The following PIEZO1 variants were observed in gnomAD, a reference collection of about 807,000 sequenced individuals.
PIEZO1 encodes the protein piezo-type mechanosensitive ion channel component 1.
In PIEZO1, 296 loss-of-function variants were observed where a neutral mutation model predicts 297.2. The ratio of observed to expected loss-of-function variants is 1.00; its 90% CI spans 0.91 to 1.10. PIEZO1 has a LOEUF of 1.10. Ranked by LOEUF, PIEZO1 falls within the 50% of genes least tolerant of loss-of-function variation. PIEZO1 has a pLI of 0.00. For synonymous variants in PIEZO1, 2,427 were observed against 1,507.5 expected (o/e 1.61, Z -14.13); for missense variants, 5,018 against 3,455.5 (o/e 1.45, Z -11.34).
In PIEZO1 at chr16:88,722,015, C is replaced by G. The variant is rs1597445467; in HGVS notation, c.5007G>C (p.Gln1669His). 3.2e-6 allele frequency: 5 copies of G among 1,548,560 alleles called. No homozygotes were observed. The highest frequency in any genetic ancestry group is 1.4e-5 in the African/African-American group (1 of 73,010). Residue 1669 changes from glutamine to histidine, a missense_variant, in exon 37 of 51, where the codon CAG becomes CAC. Gln to His is a conservative substitution (Grantham distance 24, BLOSUM62 0). Coordinates refer to ENST00000301015, the MANE Select transcript of PIEZO1 (RefSeq NM_001142864.4). Reference protein sequence around the residue: ...LEEAELFAEGQGRALRLLRAV... With the variant: ...LEEAELFAEGHGRALRLLRAV... ...CCCGCAGCAGCCGCAGCGCCCGGCCCTGCCCCTCCGCAAACAGCTCTGCCT... is the reference window on the plus strand; with the variant it reads ...CCCGCAGCAGCCGCAGCGCCCGGCCGTGCCCCTCCGCAAACAGCTCTGCCT...
In PIEZO1 at chr16:88,735,208, C is replaced by G. The variant is rs568223756; in HGVS notation, c.1596G>C (p.Gln532His). ...ACTTCAGCAGCTTCTCTTTCACAAA[C>G]TGGCGCAGCAGGAGCCAGAAGGTCA... is the stretch of plus-strand genomic sequence containing the variant. The part of the protein sequence containing the change: ...YTLTFWLLLR[Q>H]FVKEKLLKWA... Residue 532 changes from glutamine to histidine, a missense_variant, in exon 13 of 51, where the codon CAG (glutamine) becomes CAC (histidine). Coordinates refer to ENST00000301015, the MANE Select transcript of PIEZO1 (RefSeq NM_001142864.4). 1 of 1,550,466 alleles carries G rather than the reference C, an allele frequency of 6.4e-7. No individual in the cohort carries two copies.
chr16:88,736,589 C>T (rs1299933524), intron 11 of PIEZO1, 50 bp downstream of exon 11: 2 of 1,472,548 alleles, frequency 1.4e-6, no homozygotes, highest in East Asian at 2.5e-5. Context: ...CGATGCCCCA[C>T]ACCTGCGCGG....
Position 88,725,454 on chromosome 16 carries a change from T to G in PIEZO1, c.4124A>C (p.Gln1375Pro). Residue 1375 changes from glutamine to proline, a missense_variant, in exon 29 of 51, where the codon CAG (glutamine) becomes CCG (proline). By Grantham distance (76) the Gln-to-Pro change is moderately conservative (BLOSUM62 -1). Coordinates refer to ENST00000301015, the MANE Select transcript of PIEZO1 (RefSeq NM_001142864.4). ...GGGGTCCTTGGGGCCCAGGGTGTCC[T>G]GGGGGCGACTGCGGTCCACCCGGCC... ...RQGRVDRSRP[Q>P]DTLGPKDPGL... is the part of the protein sequence containing the mutation. 1 of 1,497,984 alleles carries G rather than the reference T, an allele frequency of 6.7e-7. No homozygotes were observed. The highest frequency in any genetic ancestry group is 8.9e-7 in the Non-Finnish European group (1 of 1,120,268). 92.8% of individuals were successfully genotyped at this position (1,497,984 alleles called of 1,614,324 possible).
intron 1 of PIEZO1, among the ~76,000 whole-genome samples, chr16:88,783,603 G>C (rs1288147883): frequency 6.6e-6 from 1 of 152,140 alleles, no homozygotes; most frequent in African/African-American, 2.4e-5. Flanking sequence ...TGTTTTCAAG[G>C]CACAGGAAGG....
In PIEZO1 at chr16:88,716,898, G is replaced by C; in HGVS notation, c.6661C>G (p.Pro2221Ala). ...TVTLKLGGYE[P>A]LFTMSAQQPS... ...TGCTGGGCGCTCATGGTGAACAGCG[G>C]CTGGGGCAGGCACGGGGACACGGGG... The change falls in exon 46 of 51, where the codon CCG (proline) becomes GCG (alanine). Residue 2221 changes from proline (P) to alanine (A), a missense_variant and splice_region_variant. Coordinates refer to ENST00000301015, the MANE Select transcript of PIEZO1 (RefSeq NM_001142864.4). 6.5e-7 allele frequency: 1 copy of C among 1,549,646 alleles called. No individual in the cohort carries two copies. The highest frequency in any genetic ancestry group is 8.7e-7 in the Non-Finnish European group (1 of 1,146,884).
rs9940889 is a variant in PIEZO1 at position 88,733,761 on chromosome 16, G to C, written c.2330-16C>G. 1 of 1,528,656 alleles carries C rather than the reference G, an allele frequency of 6.5e-7. No homozygotes were observed. Among genetic ancestry groups the C allele is most frequent in the Non-Finnish European group, 8.8e-7 (1 of 1,134,912 alleles). The allele number at this position is 1,528,656 out of a possible 1,614,324, so 94.7% of individuals were successfully genotyped here. ...TTGGCTGCCCCTGTGATGGTGTGAG[G>C]GTCAGTGCGGGGCACAAACGGGGAT... On this transcript the variant is annotated splice_polypyrimidine_tract_variant and intron_variant, in intron 17 of 50. Transcript: ENST00000301015.
At chr16:88,763,189 C>G (rs574193890) in intron 1 of PIEZO1, among the ~76,000 whole-genome samples, 7 of 152,288 alleles carry the variant, frequency 4.6e-5, no homozygotes, top group African/African-American at 1.7e-4. Context: ...GGATGAGACG[C>G]AGGGCCGGCT....
rs370912558 is a variant in PIEZO1, at chr16:88,735,258, G to C, written c.1558-12C>G. The C allele has an allele frequency of 5.9e-6, 9 of 1,527,754 alleles. No individual in the cohort carries two copies. The highest frequency in any genetic ancestry group is 8.0e-6 in the Non-Finnish European group (9 of 1,126,384). The allele number at this position is 1,527,754 out of a possible 1,614,324, so 94.6% of individuals were successfully genotyped here. On this transcript the variant is annotated splice_polypyrimidine_tract_variant and intron_variant, in intron 12 of 50. Transcript: ENST00000301015. Reference sequence around the variant, plus strand: ...AGGGTGTAGAGCAACTGTGACAAGCGCAGGGTGTCACAGTCAGCCGGGGGG... The same window carrying C: ...AGGGTGTAGAGCAACTGTGACAAGCCCAGGGTGTCACAGTCAGCCGGGGGG...
chr16:88,739,412 G>C (rs1222985990), intron 5 of PIEZO1: 1 of 152,332 alleles, frequency 6.6e-6, no homozygotes, highest in Non-Finnish European at 1.5e-5. Flanking sequence ...AAAGAACACG[G>C]CTGTCGTCAG....
chr16:88,736,924 C>T, intron 10 of PIEZO1, 185 bp from the exon 11 acceptor site: 1 of 491,094 alleles, frequency 2.0e-6, no homozygotes, highest in East Asian at 3.6e-5. Flanking sequence ...CAGGGATGGC[C>T]CTGCCAGCAC....
rs776666199 is a variant in PIEZO1, at chr16:88,719,855, G to C, written c.6270C>G (p.Leu2090=). 1 of 1,550,562 alleles carries C rather than the reference G, an allele frequency of 6.4e-7. No homozygotes were observed. Among genetic ancestry groups the C allele is most frequent in the Non-Finnish European group, 8.7e-7 (1 of 1,146,956 alleles). Residue 2090 remains leucine, a synonymous_variant, in exon 43 of 51, where the codon CTC becomes CTG. Transcript: ENST00000301015. ...TGTACTTCTTGGTGAGGAAGTTGCC[G>C]AGGATGCGGGTGGGGTAGCCGCAGC... The part of the protein sequence containing the change: ...QIRCGYPTRI[L]GNFLTKKYNH...
Position 88,726,969 on chromosome 16 carries a change from G to C in PIEZO1, c.3456-11C>G. On this transcript the variant is annotated splice_polypyrimidine_tract_variant and intron_variant, in intron 24 of 50. Coordinates refer to ENST00000301015, the MANE Select transcript of PIEZO1 (RefSeq NM_001142864.4). ...ATGTCAAGGTAGGACCTGCCAGGCC[G>C]GAGCGTCAGGGCGGGCGCCCCGGCC... is the stretch of plus-strand genomic sequence containing the variant. 6 of 1,549,992 alleles carry C rather than the reference G, an allele frequency of 3.9e-6. No homozygotes were observed. Among genetic ancestry groups the C allele is most frequent in the Non-Finnish European group, 5.2e-6 (6 of 1,146,624 alleles).
intron 1 of PIEZO1, among the ~76,000 whole-genome samples, chr16:88,751,733 G>T (rs1030264587): frequency 6.6e-6 from 1 of 150,530 alleles, no homozygotes; most frequent in East Asian, 1.9e-4. Context: ...TGCATTCACA[G>T]CAAAGGCTTC....
intron 2 of PIEZO1, chr16:88,744,281 A>C (rs1273604102): frequency 1.3e-5 from 2 of 152,742 alleles, no homozygotes; most frequent in African/African-American, 4.8e-5. Flanking sequence ...ACGTTGAAGT[A>C]ACCTCGCCAG....
intron 5 of PIEZO1, chr16:88,739,274 TAGA>T (rs145759484): frequency 0.039 from 6,027 of 153,138 alleles, 380 homozygotes; most frequent in African/African-American, 0.14. Context: ...GCCAGCTGCC[TAGA>T]AGAAGTGACA....
At position 88,723,158 on chromosome 16, in the gene PIEZO1, A is replaced by T; in HGVS notation, c.4439-7T>A. On this transcript the variant is annotated splice_polypyrimidine_tract_variant and splice_region_variant and intron_variant, in intron 32 of 50. Transcript: ENST00000301015. ...TCCTGGCTGGGACCACCTCCTGGGCACAGGATGCTGGTGAGTGACTGGCAG... is the reference window on the plus strand; with the variant it reads ...TCCTGGCTGGGACCACCTCCTGGGCTCAGGATGCTGGTGAGTGACTGGCAG... The T allele has an allele frequency of 6.5e-7, 1 of 1,549,346 alleles. No homozygotes were observed.
chr16:88,767,018 G>C (rs1456179437), intron 1 of PIEZO1, among the ~76,000 whole-genome samples: 1 of 152,232 alleles, frequency 6.6e-6, no homozygotes, highest in Non-Finnish European at 1.5e-5. Context: ...CAGTCAGCCT[G>C]TGAGTGCCGC....
intron 22 of PIEZO1, among the ~76,000 whole-genome samples, chr16:88,729,783 T>C (rs1321079040): frequency 7.1e-6 from 1 of 141,204 alleles, no homozygotes; most frequent in Non-Finnish European, 1.5e-5. Context: ...ACCCAGGACA[T>C]GCTGAACCCA....
chr16:88,747,178 C>A (rs193149484), intron 2 of PIEZO1, among the ~76,000 whole-genome samples: 18 of 151,724 alleles, frequency 1.2e-4, no homozygotes, highest in Non-Finnish European at 2.2e-4. Flanking sequence ...CTGCAGTGAG[C>A]CATGATCATG....
Sources: gnomAD v4.1 joint callset for allele counts (sites outside exome capture counted in the v4.1 genomes callset) on GRCh38, gnomAD v4.1.1 for gene constraint, MANE v1.5 for transcripts, NCBI Gene and HGNC (gene_info 2026-07-23, HGNC 2026-07-21) for gene names.